The following CAPN15 variants were observed in gnomAD, a reference collection of about 807,000 sequenced individuals.
The protein encoded by CAPN15 is calpain-15.
In CAPN15, 53 loss-of-function variants were observed where a neutral mutation model predicts 97.9. That is an observed-to-expected ratio of 0.54 (90% CI 0.43 to 0.68). The LOEUF (loss-of-function observed/expected upper bound fraction) is 0.68, where lower values mean the gene tolerates loss of function less well. Ranked by LOEUF, CAPN15 falls within the 30% of genes least tolerant of loss-of-function variation. The pLI is 0.00. For synonymous variants in CAPN15, 922 were observed against 722.5 expected (o/e 1.28, Z -4.43); for missense variants, 1,592 against 1,589.8 (o/e 1.00, Z -0.02).
chr16:549,895 G>A (rs1002551500), intron 7 of CAPN15, 57 bp downstream of exon 7: 70 of 1,384,094 alleles, frequency 5.1e-5, no homozygotes, highest in Admixed American at 8.0e-5. Flanking sequence ...GAGGCGGAGC[G>A]GTGGGAGATG....
At chr16:553,116 C>CATGCCCCCCCACCCCTGCACAG in intron 13 of CAPN15, 75 bp downstream of exon 13, 1 of 717,472 alleles carries the variant, frequency 1.4e-6, no homozygotes, top group Admixed American at 3.2e-5. Flanking sequence ...ACACCCAACT[C>CATGCCCCCCCACCCCTGCACAG]GTGCCCCCCC....
Position 547,134 on chromosome 16 carries a change from G to A in CAPN15, c.296G>A (p.Gly99Asp). 2 of 1,559,604 alleles carry A rather than the reference G, an allele frequency of 1.3e-6. No individual in the cohort carries two copies. The highest frequency in any genetic ancestry group is 1.7e-6 in the Non-Finnish European group (2 of 1,154,672). Residue 99 changes from glycine to aspartate, a missense_variant, in exon 4 of 14, where the codon GGC becomes GAC. Gly to Asp is a moderately conservative substitution (Grantham distance 94). This residue lies in a region of CAPN15 where 883 missense variants were observed against 776.6 expected (regional missense o/e 1.14). Transcript: ENST00000219611. ...KPPAILGEPK[G>D]SCQEEAGPVR... ...CCCGCCATCCTGGGGGAGCCCAAGG[G>A]CAGCTGCCAGGAGGAAGCAGGTCCA...
At chr16:546,163 T>G (rs1273375699) in intron 3 of CAPN15, among the ~76,000 whole-genome samples, 1 of 152,242 alleles carries the variant, frequency 6.6e-6, no homozygotes, top group Non-Finnish European at 1.5e-5. Flanking sequence ...ATCACGGAGT[T>G]CGCTCGGCTC....
At chr16:544,895 C>T (rs1250745422) in intron 3 of CAPN15, among the ~76,000 whole-genome samples, 6 of 140,128 alleles carry the variant, frequency 4.3e-5, no homozygotes, top group Admixed American at 3.6e-4. Context: ...TCTCCCCCCA[C>T]GTCGTCGTCT....
chr16:553,269 A>C (rs2035243474), intron 13 of CAPN15, 70 bp from the exon 14 acceptor site: 5 of 1,082,496 alleles, frequency 4.6e-6, no homozygotes, highest in South Asian at 1.4e-5. Context: ...CTGCCCCTGT[A>C]CAGGTGGGCA....
At chr16:545,219 G>A (rs1181623775) in intron 3 of CAPN15, among the ~76,000 whole-genome samples, 1 of 151,994 alleles carries the variant, frequency 6.6e-6, no homozygotes, top group Admixed American at 6.5e-5. Context: ...GGGTCTCTGA[G>A]CCCATGAACC....
Position 547,929 on chromosome 16 carries a change from G to T in CAPN15, c.1091G>T (p.Gly364Val). 6.2e-7 allele frequency: 1 copy of T among 1,604,760 alleles called. No homozygotes were observed. The highest frequency in any genetic ancestry group is 8.5e-7 in the Non-Finnish European group (1 of 1,176,432). Residue 364 changes from glycine to valine, a missense_variant, in exon 4 of 14, where the codon GGC becomes GTC. This residue lies in a region of CAPN15 where 883 missense variants were observed against 776.6 expected (regional missense o/e 1.14). Transcript: ENST00000219611. ...GTGGCCCCCAGGTGCTCGGCCTGCG[G>T]CTGCTCCAAACTGCACGGCTTCCAG... ...PTVAPRCSACGCSKLHGFQEH... is the reference protein window; with the variant it reads ...PTVAPRCSACVCSKLHGFQEH...
At chr16:530,533 T>C (rs1031602832) in intron 1 of CAPN15, among the ~76,000 whole-genome samples, 3 of 152,310 alleles carry the variant, frequency 2.0e-5, no homozygotes, top group South Asian at 2.1e-4. Context: ...TTTGCATGTG[T>C]GTCTCGCTGC....
At position 551,395 on chromosome 16, in the gene CAPN15, C is replaced by T; in HGVS notation, c.2160C>T (p.Ser720=). ...SLGLRPRHAY[S]ILDVRDVQGT... is the part of the protein sequence containing the mutation. ...GCCTGCGCCCCCGGCATGCCTACTC[C>T]ATCCTGGATGTCCGAGATGTCCAGG... Residue 720 remains serine (S), a synonymous_variant, in exon 8 of 14, where the codon TCC becomes TCT. Transcript: ENST00000219611. 6.2e-7 allele frequency: 1 copy of T among 1,610,206 alleles called. No individual in the cohort carries two copies. The highest frequency in any genetic ancestry group is 8.5e-7 in the Non-Finnish European group (1 of 1,178,418).
At position 533,093 on chromosome 16, in the gene CAPN15, C is replaced by T. The variant is rs145120052; in HGVS notation, c.-189-853C>T. ...AAAATTAGCTGGGCACGGTGGCGGG[C>T]GCCTGTAATCCGAGCTACTTGGGAG... On this transcript the variant is annotated intron_variant, in intron 1 of 13. Coordinates refer to ENST00000219611, the MANE Select transcript of CAPN15 (RefSeq NM_005632.3). Among the ~76,000 whole-genome samples the T allele has an allele frequency of 2.2e-3, 332 of 151,886 alleles. 2 individuals are homozygous for T. Among genetic ancestry groups the T allele is most frequent in the African/African-American group, 7.3e-3 (304 of 41,390 alleles).
chr16:548,196 G>A lies in CAPN15; in HGVS notation c.1358G>A (p.Arg453His), dbSNP rs1307167168. ...CGGCGGGGGGCCGCGCCCCTGAGGC[G>A]CAGGGAGAGCATGCACGTGGAGCAG... ...AQRRGAAPLR[R>H]RESMHVEQRR... Residue 453 changes from arginine (R) to histidine (H), a missense_variant, in exon 4 of 14, where the codon CGC becomes CAC. Around this residue, in one of 3 missense-constraint regions of CAPN15, gnomAD observed 883 missense variants for 776.6 expected, o/e 1.14. Coordinates refer to ENST00000219611, the MANE Select transcript of CAPN15 (RefSeq NM_005632.3). 9 of 1,542,324 alleles carry A rather than the reference G, an allele frequency of 5.8e-6. No individual in the cohort carries two copies. Among genetic ancestry groups the A allele is most frequent in the East Asian group, 4.9e-5 (2 of 40,988 alleles).
chr16:529,698 C>T (rs1376948494), intron 1 of CAPN15, among the ~76,000 whole-genome samples: 1 of 152,124 alleles, frequency 6.6e-6, no homozygotes, highest in East Asian at 1.9e-4. Flanking sequence ...TGGCAACAGG[C>T]GTGGACAGGT....
Position 552,917 on chromosome 16 carries a change from G to A in CAPN15, c.2959G>A (p.Val987Met), listed in dbSNP as rs746869091. The change falls in exon 13 of 14, where the codon GTG (valine) becomes ATG (methionine). Residue 987 changes from valine to methionine, a missense_variant. Val to Met is a conservative substitution (Grantham distance 21). Transcript: ENST00000219611. The surrounding 1 kb of genome is among the most constrained non-coding windows in gnomAD (Gnocchi z 6.4). ...GACACACGGTTGGGCGGGGCTCATC[G>A]TGGTGGTGGAGAACCGACACCCCAA... The part of the protein sequence containing the change: ...YLTHGWAGLI[V>M]VVENRHPKAY... 40 of 1,611,530 alleles carry A rather than the reference G, an allele frequency of 2.5e-5. No homozygotes were observed. The highest frequency in any genetic ancestry group is 6.7e-5 in the East Asian group (3 of 44,844).
chr16:552,438 G>A lies in CAPN15; in HGVS notation c.2645G>A (p.Cys882Tyr). 6.2e-7 allele frequency: 1 copy of A among 1,610,210 alleles called. No individual in the cohort carries two copies. The highest frequency in any genetic ancestry group is 1.1e-5 in the South Asian group (1 of 91,082). ...SKRAVKKFVS[C>Y]DVMLEPGEYA... is the part of the protein sequence containing the mutation. The stretch of plus-strand genomic sequence containing the variant: ...CGCGCGGTCAAGAAGTTCGTCAGCT[G>A]CGACGTCATGCTGGAGCCTGGCGAG... Residue 882 changes from cysteine (C) to tyrosine (Y), a missense_variant, in exon 11 of 14, where the codon TGC (cysteine) becomes TAC (tyrosine). Cys to Tyr is a radical substitution (Grantham distance 194, BLOSUM62 -2). This residue lies in a region of CAPN15 where 644 missense variants were observed against 699.6 expected (regional missense o/e 0.92). Transcript: ENST00000219611. This position sits in a 1 kb window ranked among gnomAD's most constrained non-coding sequence, Gnocchi z 6.4.
chr16:553,126 C>T (rs2035229081), intron 13 of CAPN15, 85 bp downstream of exon 13: 2 of 620,136 alleles, frequency 3.2e-6, no homozygotes, highest in African/African-American at 2.2e-5. Context: ...CGTGCCCCCC[C>T]ACCCCTGCAC....
chr16:532,987 G>T (rs1435499525), intron 1 of CAPN15, among the ~76,000 whole-genome samples: 2 of 151,182 alleles, frequency 1.3e-5, no homozygotes, highest in Non-Finnish European at 1.5e-5. Context: ...GGGGGAGGCC[G>T]AGGCGGGTGG....
rs1218052271 is a variant in CAPN15 at position 547,389 on chromosome 16, T to TCCCGGAAGTGGTGGC, written c.557_571dup (p.Glu186_Pro190dup). On this transcript the variant is annotated inframe_insertion, in exon 4 of 14. Transcript: ENST00000219611. ...CGGATCCCTCCTGAGGCCCTGGTGGTCCCGGAAGTGGTGGCCCCGGCCGGC... is the reference window on the plus strand; with the variant it reads ...CGGATCCCTCCTGAGGCCCTGGTGGTCCCGGAAGTGGTGGCCCCGGAAGTGGTGGCCCCGGCCGGC... 6.4e-7 allele frequency: 1 copy of TCCCGGAAGTGGTGGC among 1,560,284 alleles called. No individual in the cohort carries two copies. The highest frequency in any genetic ancestry group is 1.4e-5 in the African/African-American group (1 of 73,706).
intron 8 of CAPN15, 21 bp downstream of exon 8, chr16:551,448 G>T: frequency 1.2e-6 from 2 of 1,601,556 alleles, no homozygotes; most frequent in East Asian, 2.2e-5. Context: ...CCTGGCTGAG[G>T]GTGGGTGGGG....
chr16:543,973 C>T (rs969067071), intron 3 of CAPN15, among the ~76,000 whole-genome samples: 11 of 151,816 alleles, frequency 7.2e-5, no homozygotes, highest in Middle Eastern at 3.2e-3. Flanking sequence ...GCCAGGGCAG[C>T]CTGCGGCCAT....
Sources: allele counts gnomAD v4.1 joint callset (sites outside exome capture counted in the v4.1 genomes callset), GRCh38; gene constraint gnomAD v4.1.1; regional missense constraint gnomAD v4.1.1; non-coding constraint Gnocchi (gnomAD v3.1); transcripts MANE v1.5; gene names NCBI Gene and HGNC (gene_info 2026-07-23, HGNC 2026-07-21).